MPDZ: variants seen among roughly 807,000 people sequenced by gnomAD.
MPDZ encodes multiple PDZ domain protein.
Under a neutral mutation model 239.1 loss-of-function variants are expected in MPDZ, and 234 were observed. That is an observed-to-expected ratio of 0.98 (90% CI 0.88 to 1.09). MPDZ has a LOEUF of 1.09. Among genes scored for constraint, MPDZ ranks in the 50% least tolerant of loss-of-function variants. The probability of loss-of-function intolerance (pLI) is 0.00; values close to 1 mark genes in which losing one functional copy is unlikely to be tolerated. For synonymous variants in MPDZ, 1,048 were observed against 881.3 expected, an observed-to-expected ratio of 1.19 and a Z score of -3.35; for missense variants, 3,175 against 2,510.0, an observed-to-expected ratio of 1.26 and a Z score of -5.66.
chr9:13,174,892 C>G (rs1294652398), intron 21 of MPDZ, among the ~76,000 whole-genome samples: 1 of 152,140 alleles, frequency 6.6e-6, no homozygotes, highest in Non-Finnish European at 1.5e-5. Flanking sequence ...GGCTGAAATC[C>G]CACTCATCAA....
chr9:13,279,121 C>G (rs933324740), intron 1 of MPDZ: 1 of 151,682 alleles, frequency 6.6e-6, no homozygotes, highest in Admixed American at 6.6e-5. Flanking sequence ...TGGAGACTTG[C>G]GAGTAGCAAA....
At chr9:13,268,709 T>A (rs1972335440) in intron 1 of MPDZ, among the ~76,000 whole-genome samples, 1 of 152,168 alleles carries the variant, frequency 6.6e-6, no homozygotes, top group Non-Finnish European at 1.5e-5. Flanking sequence ...CATTTCTCAC[T>A]AAGGGAAGGA....
chr9:13,176,653 T>G (rs1379912766), intron 19 of MPDZ, among the ~76,000 whole-genome samples: 1 of 152,180 alleles, frequency 6.6e-6, no homozygotes, highest in Admixed American at 6.5e-5. Flanking sequence ...CACGTTCTAC[T>G]GAGTTATACT....
chr9:13,177,626 T>C (rs1473110948), intron 19 of MPDZ, among the ~76,000 whole-genome samples: 1 of 152,238 alleles, frequency 6.6e-6, no homozygotes, highest in South Asian at 2.1e-4. Flanking sequence ...AATTTTCTTA[T>C]GGCTGTAAGT....
At chr9:13,120,888 C>G (rs900267859) in intron 38 of MPDZ, among the ~76,000 whole-genome samples, 1 of 152,194 alleles carries the variant, frequency 6.6e-6, no homozygotes, top group Admixed American at 6.5e-5. Flanking sequence ...AGAGACACTG[C>G]AGACTGCAGG....
At chr9:13,111,408 G>A (rs1345268095) in intron 43 of MPDZ, among the ~76,000 whole-genome samples, 1 of 152,152 alleles carries the variant, frequency 6.6e-6, no homozygotes, top group Non-Finnish European at 1.5e-5. Context: ...CTAAAATGTG[G>A]TTATGTTCTG....
At chr9:13,256,719 A>G (rs1038811400) in intron 1 of MPDZ, among the ~76,000 whole-genome samples, 4 of 152,190 alleles carry the variant, frequency 2.6e-5, no homozygotes, top group African/African-American at 4.8e-5. Context: ...GGTAACATCA[A>G]AGATTACTGA....
chr9:13,237,928 T>TA (rs942537209), intron 3 of MPDZ, among the ~76,000 whole-genome samples: 4 of 152,056 alleles, frequency 2.6e-5, no homozygotes, highest in Non-Finnish European at 4.4e-5. Context: ...AAGCTTTAGT[T>TA]AAAAAAAATT....
chr9:13,231,530 T>C (rs1269209865), intron 3 of MPDZ, among the ~76,000 whole-genome samples: 1 of 152,082 alleles, frequency 6.6e-6, no homozygotes, highest in Admixed American at 6.6e-5. Context: ...TACTCCAGCC[T>C]GGGTGACAAA....
chr9:13,191,677 T>C (rs1360421291), intron 15 of MPDZ, among the ~76,000 whole-genome samples: 2 of 152,088 alleles, frequency 1.3e-5, no homozygotes, highest in South Asian at 2.1e-4. Flanking sequence ...CCAGGCAGAG[T>C]TGGGTAGGTT....
At chr9:13,123,652 A>G (rs1944697854) in intron 35 of MPDZ, among the ~76,000 whole-genome samples, 1 of 152,180 alleles carries the variant, frequency 6.6e-6, no homozygotes, top group Non-Finnish European at 1.5e-5. Flanking sequence ...CTCCATTTCA[A>G]TGGAGGCAAA....
At chr9:13,245,764 C>G (rs531637087) in intron 3 of MPDZ, among the ~76,000 whole-genome samples, 113 of 152,232 alleles carry the variant, frequency 7.4e-4, no homozygotes, top group African/African-American at 2.4e-3. Flanking sequence ...ATCTGAATCA[C>G]GTGGGACCCA....
At chr9:13,249,603 T>C (rs1241635789) in intron 2 of MPDZ, among the ~76,000 whole-genome samples, 1 of 152,086 alleles carries the variant, frequency 6.6e-6, no homozygotes, top group Non-Finnish European at 1.5e-5. Context: ...ATGATTAAGG[T>C]GCCAGAGTGA....
chr9:13,260,038 T>G (rs566111897), intron 1 of MPDZ, among the ~76,000 whole-genome samples: 1 of 151,980 alleles, frequency 6.6e-6, no homozygotes, highest in East Asian at 1.9e-4. Context: ...GACACAGTTT[T>G]GCCATGTTGG....
chr9:13,152,729 G>C (rs1036943754), intron 24 of MPDZ, among the ~76,000 whole-genome samples: 2 of 151,940 alleles, frequency 1.3e-5, no homozygotes, highest in Non-Finnish European at 2.9e-5. Context: ...AGTTCATCTG[G>C]TATGCTCCCG....
At chr9:13,119,721 AC>A (rs1944044641) in intron 38 of MPDZ, 72 bp from the exon 39 acceptor site, 1 of 1,585,840 alleles carries the variant, frequency 6.3e-7, no homozygotes, top group African/African-American at 1.3e-5. Flanking sequence ...ATAAAAAGTT[AC>A]GTTTTTACCC....
At chr9:13,224,859 A>T (rs144640538) in intron 3 of MPDZ, among the ~76,000 whole-genome samples, 14 of 152,224 alleles carry the variant, frequency 9.2e-5, no homozygotes, top group African/African-American at 3.1e-4. Flanking sequence ...TCATTAAAAC[A>T]CACCCATAAA....
At chr9:13,194,784 AT>A (rs1199178531) in intron 13 of MPDZ, among the ~76,000 whole-genome samples, 1 of 152,110 alleles carries the variant, frequency 6.6e-6, no homozygotes, top group Non-Finnish European at 1.5e-5. Context: ...CTCCTTCATT[AT>A]TCAATTACCA....
At chr9:13,217,709 A>C (rs1005969970) in intron 8 of MPDZ, among the ~76,000 whole-genome samples, 2 of 151,896 alleles carry the variant, frequency 1.3e-5, no homozygotes, top group Non-Finnish European at 1.5e-5. Flanking sequence ...CACTTCATCT[A>C]GAAAGAAAAT....
Sources: gnomAD v4.1 joint callset for allele counts (sites outside exome capture counted in the v4.1 genomes callset) on GRCh38, gnomAD v4.1.1 for gene constraint, MANE v1.5 for transcripts, NCBI Gene and HGNC (gene_info 2026-07-23, HGNC 2026-07-21) for gene names.